The following LYG2 variants were observed in gnomAD, a reference collection of about 807,000 sequenced individuals.
The protein encoded by LYG2 is lysozyme g2.
Under a neutral mutation model 22.4 loss-of-function variants are expected in LYG2, and 25 were observed. That is an observed-to-expected ratio of 1.12 (90% CI 0.81 to 1.56). The LOEUF (loss-of-function observed/expected upper bound fraction) is 1.56. Ranked by LOEUF, LYG2 falls within the 40% of genes most tolerant of loss-of-function variation. The probability of loss-of-function intolerance (pLI) is 0.00; values close to 1 mark genes in which losing one functional copy is unlikely to be tolerated. For synonymous variants in LYG2, 88 were observed against 97.0 expected, an observed-to-expected ratio of 0.91 and a Z score of 0.55; for missense variants, 266 against 269.5, an observed-to-expected ratio of 0.99 and a Z score of 0.09.
At chr2:99,259,225 AAT>A (rs1374496675), upstream of LYG2, among the ~76,000 whole-genome samples, 2 of 152,134 alleles carry the variant, frequency 1.3e-5, no homozygotes, top group East Asian at 1.9e-4. Context: ...AAAAAAAAAA[AAT>A]GTCTCCCAAA....
chr2:99,247,819 C>T (rs1024037179), intron 3 of LYG2, among the ~76,000 whole-genome samples: 3 of 151,568 alleles, frequency 2.0e-5, no homozygotes, highest in East Asian at 1.9e-4. Context: ...AGAAAATTTT[C>T]GCAACCTACT....
At chr2:99,252,774 T>C (rs916066854) in intron 3 of LYG2, among the ~76,000 whole-genome samples, 23 of 151,532 alleles carry the variant, frequency 1.5e-4, no homozygotes, top group South Asian at 2.1e-4. Flanking sequence ...GGGCCGGGCG[T>C]GGTGGCTCAC....
intron 2 of LYG2, among the ~76,000 whole-genome samples, 192 bp downstream of exon 2, chr2:99,254,828 C>A (rs2094033242): frequency 6.6e-6 from 1 of 152,128 alleles, no homozygotes; most frequent in Non-Finnish European, 1.5e-5. Flanking sequence ...TGCCACCATG[C>A]CTGGGTGTTT....
chr2:99,244,220 C>G (rs867980391), intron 5 of LYG2, 83 bp from the exon 6 acceptor site: 1 of 1,388,138 alleles, frequency 7.2e-7, no homozygotes, highest in South Asian at 1.4e-5. Context: ...TCCTGGTATT[C>G]AAGTCATAGA....
At chr2:99,259,175 T>G (rs1184746418), upstream of LYG2, among the ~76,000 whole-genome samples, 3 of 149,286 alleles carry the variant, frequency 2.0e-5, no homozygotes, top group African/African-American at 7.4e-5. Flanking sequence ...ACTATATGCC[T>G]CAGGAATTTT....
intron 6 of LYG2, chr2:99,243,661 G>A (rs2094010572): frequency 9.0e-6 from 5 of 554,182 alleles, no homozygotes; most frequent in Non-Finnish European, 1.5e-5. Context: ...TTAGCCTCCT[G>A]AGTAGCTGGG....
chr2:99,250,805 C>T (rs1037428948), intron 3 of LYG2, among the ~76,000 whole-genome samples: 6 of 152,194 alleles, frequency 3.9e-5, no homozygotes, highest in African/African-American at 1.4e-4. Flanking sequence ...TTCATTCCAG[C>T]ACTGTTGATA....
Position 99,242,250 on chromosome 2 carries a change from C to T in LYG2, c.*114G>A. The T allele has an allele frequency of 1.9e-6, 1 of 524,338 alleles. No homozygotes were observed. The highest frequency in any genetic ancestry group is 3.4e-6 in the Non-Finnish European group (1 of 297,310). 32.5% of individuals were successfully genotyped at this position (524,338 alleles called of 1,614,324 possible). On this transcript the variant is annotated 3_prime_UTR_variant, in exon 7 of 7. Coordinates refer to ENST00000333017, the MANE Select transcript of LYG2 (RefSeq NM_175735.4). ...TTCAGAAAATTGGGAAATGAATTTTCTTTCATGATTTTAATCATTTCTTTG... is the reference window on the plus strand; with the variant it reads ...TTCAGAAAATTGGGAAATGAATTTTTTTTCATGATTTTAATCATTTCTTTG...
At chr2:99,250,297 T>G (rs1304415740) in intron 3 of LYG2, among the ~76,000 whole-genome samples, 3 of 150,748 alleles carry the variant, frequency 2.0e-5, no homozygotes, top group Non-Finnish European at 4.4e-5. Context: ...TCCTTAAACA[T>G]ATAAAAGACG....
intron 3 of LYG2, among the ~76,000 whole-genome samples, chr2:99,248,698 C>T (rs962909060): frequency 6.7e-6 from 1 of 149,884 alleles, no homozygotes; most frequent in Non-Finnish European, 1.5e-5. Flanking sequence ...CTAACCTGCA[C>T]ATTGTGCACA....
chr2:99,243,596 T>C, intron 6 of LYG2: 3 of 1,120,262 alleles, frequency 2.7e-6, no homozygotes, highest in Non-Finnish European at 3.8e-6. Context: ...AGTGCAGTGA[T>C]GTAATCAATG....
At chr2:99,242,966 C>G (rs2094009057) in intron 6 of LYG2, among the ~76,000 whole-genome samples, 1 of 152,134 alleles carries the variant, frequency 6.6e-6, no homozygotes, top group Non-Finnish European at 1.5e-5. Context: ...TGCTATTTTA[C>G]CCTAGAATTT....
In LYG2 at chr2:99,242,462, A is replaced by G. The variant is rs766695248; in HGVS notation, c.541T>C (p.Ser181Pro). 4 of 1,611,756 alleles carry G rather than the reference A, an allele frequency of 2.5e-6. No homozygotes were observed. The highest frequency in any genetic ancestry group is 3.4e-6 in the Non-Finnish European group (4 of 1,178,610). ...HLKGGLSAFK[S>P]GIEAIATPSD... is the part of the protein sequence containing the mutation. ...GGGGTGGCAATCGCTTCAATTCCTG[A>G]CTTAAAAGCTGAGAGACCACCTGAA... Residue 181 changes from serine (S) to proline (P), a missense_variant, in exon 7 of 7, where the codon TCA (serine) becomes CCA (proline). Ser to Pro is a moderately conservative substitution (Grantham distance 74). Coordinates refer to ENST00000333017, the MANE Select transcript of LYG2 (RefSeq NM_175735.4).
intron 3 of LYG2, among the ~76,000 whole-genome samples, chr2:99,249,227 C>A (rs1041225767): frequency 2.0e-5 from 3 of 152,052 alleles, no homozygotes; most frequent in African/African-American, 7.2e-5. Context: ...TTGAGACCAG[C>A]CTATGCAACA....
intron 4 of LYG2, 127 bp downstream of exon 4, chr2:99,246,553 T>C: frequency 8.7e-7 from 1 of 1,145,246 alleles, no homozygotes; most frequent in Non-Finnish European, 1.2e-6. Flanking sequence ...TGGTTTTTGC[T>C]CATTTTTAAT....
rs943062681 is a variant in LYG2 at position 99,246,536 on chromosome 2, A to G, written c.184+144T>C. Reference sequence around the variant, plus strand: ...AAAGAAGCTGGTTGTTAGATTGGTCAGGATTGTGGTTTTTGCTCATTTTTA... The same window carrying G: ...AAAGAAGCTGGTTGTTAGATTGGTCGGGATTGTGGTTTTTGCTCATTTTTA... On this transcript the variant is annotated intron_variant, in intron 4 of 6. Transcript: ENST00000333017. 2.3e-5 allele frequency: 20 copies of G among 884,708 alleles called. No individual in the cohort carries two copies. In the African/African-American group the frequency reaches 2.7e-4, roughly 12 times the overall value. The allele number at this position is 884,708 out of a possible 1,614,324, so 54.8% of individuals were successfully genotyped here. A position where few individuals can be genotyped will look rare whatever the true frequency, so the allele number is the denominator to read the frequency against.
At chr2:99,261,351 ACTTCT>A in the LYG2 span, among the ~76,000 whole-genome samples, 4 of 152,204 alleles carry the variant, frequency 2.6e-5, no homozygotes, top group Non-Finnish European at 2.9e-5. Flanking sequence ...CTCCCAGCTT[ACTTCT>A]CTTACCTTAC....
At chr2:99,244,955 A>AC (rs2094013017) in intron 5 of LYG2, among the ~76,000 whole-genome samples, 1 of 152,026 alleles carries the variant, frequency 6.6e-6, no homozygotes, top group African/African-American at 2.4e-5. Flanking sequence ...TACTAAAAAT[A>AC]CAAAAAATTA....
chr2:99,252,948 G>C (rs1340575150), intron 3 of LYG2, among the ~76,000 whole-genome samples: 1 of 150,662 alleles, frequency 6.6e-6, no homozygotes, highest in East Asian at 2.0e-4. Flanking sequence ...TTGGGAGGCT[G>C]AGGCAGAAGA....
Sources: gnomAD v4.1 joint callset for allele counts (sites outside exome capture counted in the v4.1 genomes callset) on GRCh38, gnomAD v4.1.1 for gene constraint, MANE v1.5 for transcripts, NCBI Gene and HGNC (gene_info 2026-07-23, HGNC 2026-07-21) for gene names.